Variants in MEGF6 observed in about 807,000 individuals in gnomAD.
MEGF6 encodes the protein multiple epidermal growth factor-like domains protein 6.
A neutral mutation model predicts 207.1 loss-of-function variants in MEGF6; 184 were observed. The ratio of observed to expected loss-of-function variants is 0.89; its 90% confidence interval spans 0.79 to 1.00. MEGF6 has a LOEUF of 1.00. MEGF6 is among the 50% of genes least tolerant of loss of function. The pLI, the probability that MEGF6 is intolerant of heterozygous loss-of-function variation, is 0.00. For synonymous variants in MEGF6, 1,038 were observed against 910.0 expected (o/e 1.14, Z -2.53); for missense variants, 2,282 against 2,202.9 (o/e 1.04, Z -0.72).
At chr1:3,611,865 C>T (rs1322212254), upstream of MEGF6, among the ~76,000 whole-genome samples, 1 of 151,964 alleles carries the variant, frequency 6.6e-6, no homozygotes, top group Non-Finnish European at 1.5e-5. Context: ...ACTCCAGTGA[C>T]CAATCCAGGA....
At chr1:3,519,862 G>C (rs985109130) in intron 5 of MEGF6, among the ~76,000 whole-genome samples, 10 of 152,230 alleles carry the variant, frequency 6.6e-5, no homozygotes, top group African/African-American at 1.9e-4. Context: ...GTAGGGAAGA[G>C]TCTGCCCCAG....
At chr1:3,612,326 T>C (rs1644339635), upstream of MEGF6, among the ~76,000 whole-genome samples, 1 of 151,968 alleles carries the variant, frequency 6.6e-6, no homozygotes, top group African/African-American at 2.4e-5. Context: ...TGCTAACTTC[T>C]AGGGTGCCCA....
chr1:3,579,790 G>T, intron 4 of MEGF6, 35 bp downstream of exon 4: 1 of 1,411,650 alleles, frequency 7.1e-7, no homozygotes, highest in Non-Finnish European at 9.3e-7. Flanking sequence ...GGCTGGCCAT[G>T]GCCAGGGCCT....
chr1:3,545,203 C>A (rs1311361200), intron 4 of MEGF6, among the ~76,000 whole-genome samples: 1 of 152,238 alleles, frequency 6.6e-6, no homozygotes, highest in African/African-American at 2.4e-5. Flanking sequence ...GGGACACCAG[C>A]CCGAGAGGGG....
At chr1:3,600,092 G>T (rs1235235228) in intron 2 of MEGF6, among the ~76,000 whole-genome samples, 1 of 152,146 alleles carries the variant, frequency 6.6e-6, no homozygotes, top group East Asian at 1.9e-4. Flanking sequence ...CCCGGCCTGG[G>T]CTGCAGCGCC....
At chr1:3,581,371 T>C (rs1305294926) in intron 3 of MEGF6, among the ~76,000 whole-genome samples, 3 of 152,126 alleles carry the variant, frequency 2.0e-5, no homozygotes, top group African/African-American at 7.2e-5. Flanking sequence ...TACCAGCCTC[T>C]TCCCTCCAGC....
rs1318395523 is a variant in MEGF6 at position 3,501,281 on chromosome 1, C to A, written c.2342G>T (p.Gly781Val). ...ADCPEGRWGL[G>V]CQEICPACQH... ...GCATGCTGGGCAGATCTCCTGGCAG[C>A]CCAGCCCCCAGCGGCCCTCGGGACA... The change falls in exon 19 of 37, where the codon GGC becomes GTC. Residue 781 changes from glycine to valine, a missense_variant. Transcript: ENST00000356575. The A allele has an allele frequency of 1.2e-6, 2 of 1,603,256 alleles. No individual in the cohort carries two copies. The highest frequency in any genetic ancestry group is 1.3e-5 in the African/African-American group (1 of 74,596).
At chr1:3,539,920 C>G (rs1308082955) in intron 4 of MEGF6, among the ~76,000 whole-genome samples, 1 of 152,304 alleles carries the variant, frequency 6.6e-6, no homozygotes, top group Admixed American at 6.5e-5. Flanking sequence ...CTGCAGCCTG[C>G]GAGAGTTACG....
intron 4 of MEGF6, among the ~76,000 whole-genome samples, chr1:3,561,480 C>A (rs918263025): frequency 2.6e-5 from 4 of 152,228 alleles, no homozygotes; most frequent in African/African-American, 9.6e-5. Context: ...CAGGACGCAA[C>A]GCCCTCACCA....
Position 3,488,074 on chromosome 1 carries a change from T to C in MEGF6, c.*2454A>G, listed in dbSNP as rs1476156701. ...TCAAATCAGGGTAATGAGCATATCA[T>C]CATCTCAAGCGTTTATTATGTGTGT... On this transcript the variant is annotated 3_prime_UTR_variant, in exon 37 of 37. Coordinates refer to ENST00000356575, the MANE Select transcript of MEGF6 (RefSeq NM_001409.4). 1.3e-5 allele frequency among the ~76,000 whole-genome samples: 2 copies of C among 152,228 alleles called. No individual in the cohort carries two copies. The highest frequency in any genetic ancestry group is 2.9e-5 in the Non-Finnish European group (2 of 68,044).
Position 3,499,226 on chromosome 1 carries a change from G to T in MEGF6, c.3006C>A (p.Ala1002=). 6.2e-7 allele frequency: 1 copy of T among 1,606,122 alleles called. No homozygotes were observed. Among genetic ancestry groups the T allele is most frequent in the Non-Finnish European group, 8.5e-7 (1 of 1,177,534 alleles). ...AHTYGHNCSQ[A]CACFNGASCD... is the part of the protein sequence containing the mutation. ...AGGAGGCCCCGTTAAAGCAGGCACA[G>T]GCCTGGCTGCAATTGTGCCCGTAGG... Residue 1002 remains alanine, a synonymous_variant, in exon 24 of 37, where the codon GCC becomes GCA. Transcript: ENST00000356575.
chr1:3,608,023 G>A (rs113153613), intron 1 of MEGF6, among the ~76,000 whole-genome samples: 1,534 of 152,314 alleles, frequency 0.01, 14 homozygotes, highest in Middle Eastern at 0.017. Context: ...TGTGGGCGGC[G>A]GGGGTGAGGG....
At position 3,611,398 on chromosome 1, in the gene MEGF6, C is replaced by A. The variant is rs1250790728; in HGVS notation, c.-130G>T. ...GCGCCCGCTCCGCGGAGCCCAAGGTCGCTGCAGGTGCGGAGCGTCCCGGCT... is the reference window on the plus strand; with the variant it reads ...GCGCCCGCTCCGCGGAGCCCAAGGTAGCTGCAGGTGCGGAGCGTCCCGGCT... On this transcript the variant is annotated 5_prime_UTR_variant, in exon 1 of 37. Transcript: ENST00000356575. The A allele has an allele frequency of 3.4e-5, 42 of 1,251,244 alleles. No homozygotes were observed. Among genetic ancestry groups the A allele is most frequent in the Non-Finnish European group, 4.2e-5 (41 of 974,856 alleles). 77.5% of individuals were successfully genotyped at this position (1,251,244 alleles called of 1,614,324 possible).
intron 4 of MEGF6, among the ~76,000 whole-genome samples, chr1:3,538,472 C>T (rs369697204): frequency 1.1e-3 from 161 of 152,346 alleles, no homozygotes; most frequent in African/African-American, 3.7e-3. Context: ...GCTGTTTCCG[C>T]GAGCCCAGCT....
chr1:3,494,084 C>T lies in MEGF6; in HGVS notation c.4170G>A (p.Leu1390=), dbSNP rs1406769273. 2 of 1,591,448 alleles carry T rather than the reference C, an allele frequency of 1.3e-6. No homozygotes were observed. Among genetic ancestry groups the T allele is most frequent in the East Asian group, 2.2e-5 (1 of 44,566 alleles). ...AGGGGGCTCCATGTTGACACCAGCA[C>T]AACCCCTGGCAGCCAGCCCCGTGGA... ...PGFHGAGCQG[L]CWCQHGAPCD... Residue 1390 remains leucine, a synonymous_variant, in exon 33 of 37, where the codon TTG becomes TTA. Coordinates refer to ENST00000356575, the MANE Select transcript of MEGF6 (RefSeq NM_001409.4).
Position 3,611,508 on chromosome 1 carries a change from T to G in MEGF6, c.-240A>C. 4.5e-6 allele frequency: 2 copies of G among 448,452 alleles called. No homozygotes were observed. Among genetic ancestry groups the G allele is most frequent in the Non-Finnish European group, 7.4e-6 (2 of 270,936 alleles). The allele number at this position is 448,452 out of a possible 1,614,324, so 27.8% of individuals were successfully genotyped here. On this transcript the variant is annotated 5_prime_UTR_variant, in exon 1 of 37. Coordinates refer to ENST00000356575, the MANE Select transcript of MEGF6 (RefSeq NM_001409.4). ...ACTCGCCCCGGCGCGTTGAGCACAG[T>G]GCCCCGGACTCAGAGCCTGGAAAGC...
chr1:3,541,838 A>G (rs902156326), intron 4 of MEGF6, among the ~76,000 whole-genome samples: 1 of 151,688 alleles, frequency 6.6e-6, no homozygotes, highest in African/African-American at 2.4e-5. Context: ...CCGTGGGGGG[A>G]GTCTCTGGTG....
intron 3 of MEGF6, among the ~76,000 whole-genome samples, chr1:3,581,251 A>G (rs1643790055): frequency 6.6e-6 from 1 of 152,088 alleles, no homozygotes; most frequent in African/African-American, 2.4e-5. Flanking sequence ...GTCCCTGTGA[A>G]TGCTTCTTCC....
intron 4 of MEGF6, among the ~76,000 whole-genome samples, chr1:3,530,002 TC>T (rs973764151): frequency 6.6e-6 from 1 of 151,950 alleles, no homozygotes; most frequent in Non-Finnish European, 1.5e-5. Flanking sequence ...TTCTCCTCTC[TC>T]CCCCAAAAGC....
Sources: gnomAD v4.1 joint callset for allele counts (sites outside exome capture counted in the v4.1 genomes callset) on GRCh38, gnomAD v4.1.1 for gene constraint, MANE v1.5 for transcripts, NCBI Gene and HGNC (gene_info 2026-07-23, HGNC 2026-07-21) for gene names.